GRAMD1B: variants seen among roughly 807,000 people sequenced by gnomAD.
GRAMD1B encodes GRAM domain containing 1B, also known as protein Aster-B.
In GRAMD1B, 37 loss-of-function variants were observed where a neutral mutation model predicts 99.7. The observed-to-expected ratio is 0.37, with a 90% CI of 0.29 to 0.49. The LOEUF (loss-of-function observed/expected upper bound fraction) is 0.49. Ranked by LOEUF, GRAMD1B falls within the 20% of genes least tolerant of loss-of-function variation. The probability of loss-of-function intolerance (pLI) is 0.98; values close to 1 mark genes in which losing one functional copy is unlikely to be tolerated. For synonymous variants in GRAMD1B, 427 were observed against 387.6 expected (o/e 1.10, Z -1.19); for missense variants, 888 against 1,009.2 (o/e 0.88, Z 1.63).
intron 2 of GRAMD1B, among the ~76,000 whole-genome samples, chr11:123,537,213 C>CT (rs1374537219): frequency 1.3e-5 from 2 of 152,104 alleles, no homozygotes; most frequent in Non-Finnish European, 2.9e-5. Flanking sequence ...CAGGTAGGGT[C>CT]TTATAGGAAA....
intron 3 of GRAMD1B, among the ~76,000 whole-genome samples, chr11:123,583,393 T>TGC (rs1491137405): frequency 6.5e-5 from 3 of 45,834 alleles, no homozygotes; most frequent in Admixed American, 5.5e-4. Context: ...TGTGTATGTG[T>TGC]GCGTGTGTGT....
intron 2 of GRAMD1B, among the ~76,000 whole-genome samples, chr11:123,572,535 G>A (rs1054063821): frequency 2.0e-5 from 3 of 152,198 alleles, no homozygotes; most frequent in African/African-American, 7.2e-5. Flanking sequence ...TGCTGACTTT[G>A]CTGAGTTAGA....
chr11:123,482,180 C>T (rs1951647965), intron 2 of GRAMD1B, among the ~76,000 whole-genome samples: 1 of 151,890 alleles, frequency 6.6e-6, no homozygotes, highest in South Asian at 2.1e-4. Context: ...CTCACTGCAA[C>T]CTCCACCTCC....
upstream of GRAMD1B, among the ~76,000 whole-genome samples, chr11:123,427,984 C>T (rs961560285): frequency 2.0e-5 from 3 of 152,154 alleles, no homozygotes; most frequent in Non-Finnish European, 4.4e-5. Flanking sequence ...ATTCAGAGTG[C>T]CCAGAACAAA....
chr11:123,582,128 G>C (rs917058130), intron 3 of GRAMD1B, among the ~76,000 whole-genome samples: 2 of 152,256 alleles, frequency 1.3e-5, no homozygotes, highest in African/African-American at 4.8e-5. Context: ...TGCTGGGGCC[G>C]GCAGCTCCCA....
In GRAMD1B at chr11:123,612,781, A is replaced by G; in HGVS notation, c.1940A>G (p.Tyr647Cys). ...SRLRVSTELRYRKQPWGLVKT... is the reference protein window; with the variant it reads ...SRLRVSTELRCRKQPWGLVKT... ...CTCAGGGTCTCCACAGAGCTGCGCT[A>G]TCGAAAACAGCCCTGGGGGTTAGTG... is the stretch of plus-strand genomic sequence containing the variant. The change falls in exon 15 of 20, where the codon TAT (tyrosine) becomes TGT (cysteine). Residue 647 changes from tyrosine to cysteine, a missense_variant. Around this residue, in one of 5 missense-constraint regions of GRAMD1B, gnomAD observed 92 missense variants for 156.9 expected, o/e 0.59. Coordinates refer to ENST00000635736, the MANE Select transcript of GRAMD1B (RefSeq NM_001387025.1). The G allele has an allele frequency of 6.2e-7, 1 of 1,608,088 alleles. No homozygotes were observed.
chr11:123,612,896 C>A, intron 15 of GRAMD1B, 32 bp downstream of exon 15: 1 of 1,268,276 alleles, frequency 7.9e-7, no homozygotes, highest in Non-Finnish European at 1.1e-6. Context: ...GCTAGCTGGG[C>A]TGCAGAGATG....
At chr11:123,620,775 C>T (rs1388250822) in intron 19 of GRAMD1B, among the ~76,000 whole-genome samples, 1 of 152,170 alleles carries the variant, frequency 6.6e-6, no homozygotes, top group East Asian at 1.9e-4. Flanking sequence ...TGAACTAGAG[C>T]TAGAAGTTTA....
rs555432550 is a variant in GRAMD1B at position 123,608,145 on chromosome 11, A to G, written c.1514-514A>G. Reference sequence around the variant, plus strand: ...TAGGCTGTCTTATGGAACTGTAGTTAGGGATCACAGCCTATTGGACCAGCC... The same window carrying G: ...TAGGCTGTCTTATGGAACTGTAGTTGGGGATCACAGCCTATTGGACCAGCC... On this transcript the variant is annotated intron_variant, in intron 11 of 19. Transcript: ENST00000635736. 326 of 222,772 alleles carry G rather than the reference A, an allele frequency of 1.5e-3. 1 individual carries two copies. The highest frequency in any genetic ancestry group is 2.1e-3 in the Non-Finnish European group (241 of 113,622). The allele number at this position is 222,772 out of a possible 1,614,324, so 13.8% of individuals were successfully genotyped here.
chr11:123,393,286 A>T (rs1486183130), intron 1 of GRAMD1B, among the ~76,000 whole-genome samples: 1 of 152,228 alleles, frequency 6.6e-6, no homozygotes, highest in Non-Finnish European at 1.5e-5. Context: ...ATTTATCTTT[A>T]TCCTTTCCTT....
Position 123,594,242 on chromosome 11 carries a change from C to T in GRAMD1B, c.769+76C>T, listed in dbSNP as rs1276584084. On this transcript the variant is annotated intron_variant, in intron 5 of 19. Transcript: ENST00000635736. ...GGCATAGCACTCAGGGTGCTTCTCTCTAGAGGCCTCAAGCCAACCCAGGTA... is the reference window on the plus strand; with the variant it reads ...GGCATAGCACTCAGGGTGCTTCTCTTTAGAGGCCTCAAGCCAACCCAGGTA... 10 of 997,438 alleles carry T rather than the reference C, an allele frequency of 1.0e-5. No homozygotes were observed. In the East Asian group the frequency reaches 2.4e-4, roughly 24 times the overall value. 61.8% of individuals were successfully genotyped at this position (997,438 alleles called of 1,614,324 possible).
rs984679635 is a variant in GRAMD1B at position 123,577,221 on chromosome 11, C to T, written c.453-146C>T. ...ACGGTGCGGCAAGCCGCAGCCTGGG[C>T]CCCTCTCTCCCGGTTTCTCCCCAGC... On this transcript the variant is annotated intron_variant, in intron 2 of 19. Coordinates refer to ENST00000635736, the MANE Select transcript of GRAMD1B (RefSeq NM_001387025.1). The T allele has an allele frequency of 1.9e-5, 13 of 694,616 alleles. No individual in the cohort carries two copies. In the African/African-American group the frequency reaches 2.1e-4, roughly 11 times the overall value. 43.0% of individuals were successfully genotyped at this position (694,616 alleles called of 1,614,324 possible). A position where few individuals can be genotyped will look rare whatever the true frequency, so the allele number is the denominator to read the frequency against.
chr11:123,413,319 A>G (rs138499453), intron 1 of GRAMD1B, among the ~76,000 whole-genome samples: 24 of 152,278 alleles, frequency 1.6e-4, no homozygotes, highest in Admixed American at 3.3e-4. Flanking sequence ...GGAGCAAAGC[A>G]TATTCTGTCC....
chr11:123,495,135 A>C (rs1463590397), intron 2 of GRAMD1B, among the ~76,000 whole-genome samples: 1 of 151,740 alleles, frequency 6.6e-6, no homozygotes. Context: ...ACACACACAC[A>C]CACAGACACA....
chr11:123,615,754 G>C (rs1954286355), intron 17 of GRAMD1B, among the ~76,000 whole-genome samples: 1 of 152,236 alleles, frequency 6.6e-6, no homozygotes, highest in Non-Finnish European at 1.5e-5. Context: ...CTGCTGATGT[G>C]GTCCTGGAGC....
chr11:123,609,670 T>A, intron 12 of GRAMD1B, 125 bp from the exon 13 acceptor site: 13 of 586,790 alleles, frequency 2.2e-5, no homozygotes, highest in East Asian at 3.1e-5. Context: ...CGGGCTCCCA[T>A]TGGCTTCCTT....
intron 2 of GRAMD1B, among the ~76,000 whole-genome samples, chr11:123,496,014 T>C (rs967226282): frequency 6.6e-6 from 1 of 152,184 alleles, no homozygotes; most frequent in Non-Finnish European, 1.5e-5. Flanking sequence ...TACAGTGATA[T>C]AATATTCTGT....
intron 1 of GRAMD1B, among the ~76,000 whole-genome samples, chr11:123,447,468 A>G (rs1173048451): frequency 6.6e-6 from 1 of 152,174 alleles, no homozygotes; most frequent in Non-Finnish European, 1.5e-5. Flanking sequence ...GTGAGTCATG[A>G]CGCTCAGGCT....
chr11:123,583,388 ATGTGTGCG>A lies in GRAMD1B; in HGVS notation c.664-917_664-910del, dbSNP rs1365210255. On this transcript the variant is annotated intron_variant, in intron 3 of 19. Coordinates refer to ENST00000635736, the MANE Select transcript of GRAMD1B (RefSeq NM_001387025.1). ...GTGTGTGTGCACGTGTGTGGTGTGT[ATGTGTGCG>A]TGTGTGTGTGTGTCTGTGTATATGT... Among the ~76,000 whole-genome samples, 7 of 69,960 alleles carry A rather than the reference ATGTGTGCG, an allele frequency of 1.0e-4. No homozygotes were observed. The East Asian group carries it at 3.8e-3, about 38-fold the overall frequency. 45.9% of individuals were successfully genotyped at this position (69,960 alleles called of 152,430 possible). A position where few individuals can be genotyped will look rare whatever the true frequency, so the allele number is the denominator to read the frequency against.
Sources: gnomAD v4.1 joint callset for allele counts (sites outside exome capture counted in the v4.1 genomes callset) on GRCh38, gnomAD v4.1.1 for gene constraint, gnomAD v4.1.1 regional missense constraint, MANE v1.5 for transcripts, NCBI Gene and HGNC (gene_info 2026-07-23, HGNC 2026-07-21) for gene names.